The following TACR1 variants were observed in gnomAD, a reference collection of about 807,000 sequenced individuals.
TACR1 encodes substance-P receptor.
In TACR1, 25 loss-of-function variants were observed where a neutral mutation model predicts 35.8. That is an observed-to-expected ratio of 0.70 (90% CI 0.51 to 0.98). TACR1 has a LOEUF of 0.98. Among genes scored for constraint, TACR1 ranks in the 50% least tolerant of loss-of-function variants. The pLI is 0.00. For missense variants in TACR1, 478 were observed against 522.9 expected, an observed-to-expected ratio of 0.91 and a Z score of 0.84; for synonymous variants, 195 against 206.7, an observed-to-expected ratio of 0.94 and a Z score of 0.48.
At chr2:75,052,080 A>G (rs1672480194) in intron 3 of TACR1, among the ~76,000 whole-genome samples, 1 of 152,210 alleles carries the variant, frequency 6.6e-6, no homozygotes. Flanking sequence ...GGTTTTGTGA[A>G]TACTGGATAC....
chr2:75,104,846 G>T (rs774868004), intron 2 of TACR1, among the ~76,000 whole-genome samples: 12 of 152,032 alleles, frequency 7.9e-5, no homozygotes, highest in Admixed American at 7.9e-4. Context: ...TATCAGCTCA[G>T]AACTGTTATG....
chr2:75,097,437 T>C (rs1673445834), intron 2 of TACR1, among the ~76,000 whole-genome samples: 1 of 152,096 alleles, frequency 6.6e-6, no homozygotes, highest in Non-Finnish European at 1.5e-5. Context: ...AGTACATAAG[T>C]ATTTGGAGAC....
At chr2:75,121,506 G>A (rs573647328) in intron 1 of TACR1, among the ~76,000 whole-genome samples, 2 of 152,156 alleles carry the variant, frequency 1.3e-5, no homozygotes, top group Admixed American at 6.5e-5. Flanking sequence ...TTCCTCCATC[G>A]CTTCATTCCT....
chr2:75,100,752 C>T (rs1673520271), intron 2 of TACR1, among the ~76,000 whole-genome samples: 1 of 152,124 alleles, frequency 6.6e-6, no homozygotes, highest in Non-Finnish European at 1.5e-5. Flanking sequence ...AATGATAAAT[C>T]ACATTGCAGA....
chr2:75,189,441 G>C lies in TACR1; in HGVS notation c.389+9105C>G, dbSNP rs143850071. The C allele has an allele frequency of 2.6e-5, 4 of 152,342 alleles. No individual in the cohort carries two copies. The East Asian group carries it at 7.7e-4, about 29-fold the overall frequency. 9.4% of individuals were successfully genotyped at this position (152,342 alleles called of 1,614,324 possible). On this transcript the variant is annotated intron_variant, in intron 1 of 4. Coordinates refer to ENST00000305249, the MANE Select transcript of TACR1 (RefSeq NM_001058.4). ...AAGAAATGGTACTTCTATGTAAGTA[G>C]TGCATGTGTAGTAGTGAGTTTTGTG...
intron 1 of TACR1, among the ~76,000 whole-genome samples, chr2:75,153,826 T>G (rs3771836): frequency 0.42 from 63,698 of 152,030 alleles, 14,805 homozygotes; most frequent in Middle Eastern, 0.55. Flanking sequence ...TCCTCACGTA[T>G]CCTCTCTTCC....
chr2:75,182,833 C>T (rs1365735210), intron 1 of TACR1, among the ~76,000 whole-genome samples: 1 of 152,148 alleles, frequency 6.6e-6, no homozygotes, highest in Non-Finnish European at 1.5e-5. Flanking sequence ...CACCCAATGA[C>T]GCATTTCTCA....
rs1335834803 is a variant in TACR1 at position 75,094,853 on chromosome 2, ATATATATTTT to A, written c.584+25711_584+25720del. ...GAAGCAGAAACATATATATATATAT[ATATATATTTT>A]TTTTTTTTTTGCCCAAGATGGCAAA... On this transcript the variant is annotated intron_variant, in intron 2 of 4. Coordinates refer to ENST00000305249, the MANE Select transcript of TACR1 (RefSeq NM_001058.4). 1.2e-4 allele frequency among the ~76,000 whole-genome samples: 11 copies of A among 88,616 alleles called. No individual in the cohort carries two copies. In the South Asian group the frequency reaches 4.1e-3, roughly 33 times the overall value. 58.1% of individuals were successfully genotyped at this position (88,616 alleles called of 152,430 possible).
At chr2:75,165,399 C>A (rs994997142) in intron 1 of TACR1, among the ~76,000 whole-genome samples, 1 of 152,090 alleles carries the variant, frequency 6.6e-6, no homozygotes, top group Admixed American at 6.5e-5. Flanking sequence ...AAGCTCGCCT[C>A]CAGGGTTCAC....
intron 1 of TACR1, among the ~76,000 whole-genome samples, chr2:75,177,451 A>G (rs1333319436): frequency 6.6e-6 from 1 of 152,166 alleles, no homozygotes; most frequent in Non-Finnish European, 1.5e-5. Flanking sequence ...GGACTTTGTT[A>G]TCAACAATAA....
intron 1 of TACR1, chr2:75,154,410 G>GCGCACACA (rs1166779798): frequency 4.0e-5 from 3 of 75,416 alleles, no homozygotes; most frequent in Middle Eastern, 0.016. Flanking sequence ...GAGCGCGCAC[G>GCGCACACA]CACACACACA....
rs909229977 is a variant in TACR1 at position 75,170,503 on chromosome 2, C to T, written c.389+28043G>A. 3.9e-5 allele frequency among the ~76,000 whole-genome samples: 6 copies of T among 152,166 alleles called. No homozygotes were observed. In the South Asian group the frequency reaches 8.3e-4, roughly 21 times the overall value. On this transcript the variant is annotated intron_variant, in intron 1 of 4. Coordinates refer to ENST00000305249, the MANE Select transcript of TACR1 (RefSeq NM_001058.4). ...AGAGTGGGGTGCTGCTGTAAAGATA[C>T]CTGAAAATGTGGAAGCCACTTTGGA...
At position 75,104,224 on chromosome 2, in the gene TACR1, C is replaced by T. The variant is rs562006363; in HGVS notation, c.584+16350G>A. ...GAAAGTGAAGGGGTAGAAAAAGATA[C>T]GCCATCCAAACAAAAAATGAGCAGG... is the stretch of plus-strand genomic sequence containing the variant. On this transcript the variant is annotated intron_variant, in intron 2 of 4. Transcript: ENST00000305249. Among the ~76,000 whole-genome samples the T allele has an allele frequency of 7.2e-5, 11 of 151,928 alleles. No individual in the cohort carries two copies. In the South Asian group the frequency reaches 1.2e-3, roughly 17 times the overall value.
chr2:75,095,874 G>A (rs10168986), intron 2 of TACR1, among the ~76,000 whole-genome samples: 1,670 of 152,232 alleles, frequency 0.011, 38 homozygotes, highest in African/African-American at 0.038. Flanking sequence ...AGATGGCAGA[G>A]CCTCCATCAC....
chr2:75,172,516 TGAACACACATCTCAGATGCCTGA>T (rs1675314415), intron 1 of TACR1, among the ~76,000 whole-genome samples: 1 of 152,096 alleles, frequency 6.6e-6, no homozygotes, highest in African/African-American at 2.4e-5. Flanking sequence ...CTAAGGGGCC[TGAACACACATCTCAGATGCCTGA>T]GATGTGTGTT....
At chr2:75,151,421 G>C (rs1253151333) in intron 1 of TACR1, among the ~76,000 whole-genome samples, 1 of 152,196 alleles carries the variant, frequency 6.6e-6, no homozygotes, top group African/African-American at 2.4e-5. Context: ...TGGCTGAAAG[G>C]GGCCAATGTA....
At chr2:75,146,943 C>T (rs748547323) in intron 1 of TACR1, among the ~76,000 whole-genome samples, 1 of 152,194 alleles carries the variant, frequency 6.6e-6, no homozygotes, top group African/African-American at 2.4e-5. Context: ...GTGTTTCATT[C>T]CAGGATGGGT....
At chr2:75,130,399 C>G (rs1674154587) in intron 1 of TACR1, among the ~76,000 whole-genome samples, 1 of 152,184 alleles carries the variant, frequency 6.6e-6, no homozygotes, top group African/African-American at 2.4e-5. Flanking sequence ...CAGCAGGAAG[C>G]CCCTAACAGT....
Position 75,115,219 on chromosome 2 carries a change from T to C in TACR1, c.584+5355A>G, listed in dbSNP as rs551719438. ...TAAAATATATATATATGAATGACTA[T>C]TAAATTATAAAAAGATGTTCGTCCC... On this transcript the variant is annotated intron_variant, in intron 2 of 4. Coordinates refer to ENST00000305249, the MANE Select transcript of TACR1 (RefSeq NM_001058.4). 2.3e-3 allele frequency among the ~76,000 whole-genome samples: 354 copies of C among 152,104 alleles called. 2 individuals carry two copies. The highest frequency in any genetic ancestry group is 3.4e-3 in the Non-Finnish European group (234 of 67,994).
Sources: allele counts gnomAD v4.1 joint callset (sites outside exome capture counted in the v4.1 genomes callset), GRCh38; gene constraint gnomAD v4.1.1; transcripts MANE v1.5; gene names NCBI Gene and HGNC (gene_info 2026-07-23, HGNC 2026-07-21).